Variants in MICU3 observed in about 807,000 individuals in gnomAD.
The protein encoded by MICU3 is calcium uptake protein 3, mitochondrial.
Under a neutral mutation model 66.5 loss-of-function variants are expected in MICU3, and 62 were observed. That is an observed-to-expected ratio of 0.93 (90% CI 0.76 to 1.15). The LOEUF is 1.15. Ranked by LOEUF, MICU3 falls within the 50% of genes most tolerant of loss-of-function variation. The probability of loss-of-function intolerance (pLI) is 0.00; values close to 1 mark genes in which losing one functional copy is unlikely to be tolerated. For missense variants in MICU3, 779 were observed against 664.4 expected, an observed-to-expected ratio of 1.17 and a Z score of -1.90; for synonymous variants, 308 against 240.7, an observed-to-expected ratio of 1.28 and a Z score of -2.59.
chr8:17,113,854 G>A (rs1056840962), intron 11 of MICU3, among the ~76,000 whole-genome samples: 5 of 151,780 alleles, frequency 3.3e-5, no homozygotes, highest in South Asian at 2.1e-4. Context: ...GTGCTGACAC[G>A]ACAGTGTTTA....
At chr8:17,095,012 C>T (rs74804377) in intron 8 of MICU3, among the ~76,000 whole-genome samples, 5,713 of 151,968 alleles carry the variant, frequency 0.038, 158 homozygotes, top group Non-Finnish European at 0.056. Flanking sequence ...TAAATTTCAG[C>T]GGTTAAATTT....
intron 4 of MICU3, among the ~76,000 whole-genome samples, chr8:17,078,291 A>T (rs1163204642): frequency 6.6e-6 from 1 of 151,972 alleles, no homozygotes; most frequent in African/African-American, 2.4e-5. Context: ...TAACAGGAAA[A>T]ATTTAGTGGA....
chr8:17,119,571 A>AGATT (rs1257515468), intron 14 of MICU3, among the ~76,000 whole-genome samples: 1 of 151,424 alleles, frequency 6.6e-6, no homozygotes, highest in Non-Finnish European at 1.5e-5. Context: ...ATAGATAGAT[A>AGATT]GATAGAGGTG....
intron 8 of MICU3, among the ~76,000 whole-genome samples, chr8:17,093,209 G>C (rs943759166): frequency 9.9e-5 from 15 of 152,010 alleles, no homozygotes; most frequent in African/African-American, 3.4e-4. Context: ...TCATTGCACA[G>C]TGATGAAAAG....
intron 5 of MICU3, among the ~76,000 whole-genome samples, chr8:17,083,311 T>G (rs1821465501): frequency 6.6e-6 from 1 of 152,090 alleles, no homozygotes; most frequent in African/African-American, 2.4e-5. Flanking sequence ...ATAGTGATGT[T>G]ATCCCCAGGA....
At position 17,027,551 on chromosome 8, in the gene MICU3, C is replaced by A. The variant is rs1475190512; in HGVS notation, c.272C>A (p.Ala91Asp). 3 of 1,280,194 alleles carry A rather than the reference C, an allele frequency of 2.3e-6. No homozygotes were observed. Among genetic ancestry groups the A allele is most frequent in the African/African-American group, 1.5e-5 (1 of 64,618 alleles). The allele number at this position is 1,280,194 out of a possible 1,614,324, so 79.3% of individuals were successfully genotyped here. A position where few individuals can be genotyped will look rare whatever the true frequency, so the allele number is the denominator to read the frequency against. ...TACCAGCTGTACGGGGACCCCAGGG[C>A]CGGCTCGCCGGCGACCGGGCGACCC... ...VCYQLYGDPRAGSPATGRPSK... is the reference protein window; with the variant it reads ...VCYQLYGDPRDGSPATGRPSK... The change falls in exon 1 of 15, where the codon GCC (alanine) becomes GAC (aspartate). Residue 91 changes from alanine to aspartate, a missense_variant. By Grantham distance (126) the Ala-to-Asp change is moderately radical (BLOSUM62 -2). Coordinates refer to ENST00000318063, the MANE Select transcript of MICU3 (RefSeq NM_181723.3).
At chr8:17,125,604 C>T (rs146170428), downstream of MICU3, among the ~76,000 whole-genome samples, 1 of 152,052 alleles carries the variant, frequency 6.6e-6, no homozygotes, top group Non-Finnish European at 1.5e-5. Context: ...TTTGGCTGGC[C>T]AGATTTCGCC....
chr8:17,096,909 ATGGT>A (rs1800756009), intron 8 of MICU3, among the ~76,000 whole-genome samples: 1 of 151,518 alleles, frequency 6.6e-6, no homozygotes, highest in African/African-American at 2.4e-5. Context: ...CACAAAATAC[ATGGT>A]TGGTTAAACT....
intron 1 of MICU3, among the ~76,000 whole-genome samples, chr8:17,048,018 A>G (rs1815384958): frequency 6.6e-6 from 1 of 152,222 alleles, no homozygotes; most frequent in African/African-American, 2.4e-5. Context: ...GGCCATGACG[A>G]GTTAAAGTGT....
At chr8:17,135,483 G>A in the MICU3 span, among the ~76,000 whole-genome samples, 37 of 152,040 alleles carry the variant, frequency 2.4e-4, no homozygotes, top group East Asian at 6.0e-3. Flanking sequence ...TATTTGTTCA[G>A]CACTTAACTG....
the MICU3 span, chr8:17,132,346 G>A: frequency 1.1e-4 from 17 of 151,940 alleles, no homozygotes; most frequent in African/African-American, 2.9e-4. Context: ...CATTGATTTC[G>A]CCCACCTCCA....
downstream of MICU3, among the ~76,000 whole-genome samples, chr8:17,125,827 C>A (rs1803391519): frequency 6.6e-6 from 1 of 151,834 alleles, no homozygotes; most frequent in African/African-American, 2.4e-5. Context: ...GTCAGGAGTT[C>A]AAGACCAGCC....
intron 9 of MICU3, 32 bp from the exon 10 acceptor site, chr8:17,104,359 A>G: frequency 8.7e-7 from 1 of 1,143,526 alleles, no homozygotes. Context: ...CTTTTATTGA[A>G]GCTAACTTTT....
intron 13 of MICU3, among the ~76,000 whole-genome samples, chr8:17,117,639 TG>T (rs1802811553): frequency 6.7e-6 from 1 of 149,850 alleles, no homozygotes; most frequent in Admixed American, 6.6e-5. Context: ...ATGGGAGTCT[TG>T]CTCTGTTGCC....
chr8:17,036,803 G>A (rs960767159), intron 1 of MICU3, among the ~76,000 whole-genome samples: 54 of 152,206 alleles, frequency 3.5e-4, no homozygotes, highest in Admixed American at 2.4e-3. Flanking sequence ...TGCCAGTCCC[G>A]CGCCGTGCGC....
Position 17,086,968 on chromosome 8 carries a change from A to G in MICU3, c.782A>G (p.Gln261Arg). 1 of 1,597,002 alleles carries G rather than the reference A, an allele frequency of 6.3e-7. No individual in the cohort carries two copies. Among genetic ancestry groups the G allele is most frequent in the Non-Finnish European group, 8.6e-7 (1 of 1,165,828 alleles). ...CTTGATTGATTTCTTTGTCAGCTTCAAGAGATATTCAGGAAAAAAAATGAA... is the reference window on the plus strand; with the variant it reads ...CTTGATTGATTTCTTTGTCAGCTTCGAGAGATATTCAGGAAAAAAAATGAA... Reference protein sequence around the residue: ...MVDKKEFLVLQEIFRKKNEKR... With the variant: ...MVDKKEFLVLREIFRKKNEKR... Residue 261 changes from glutamine (Q) to arginine (R), a missense_variant, in exon 7 of 15, where the codon CAA becomes CGA. Transcript: ENST00000318063.
chr8:17,074,685 G>A (rs1585353356), intron 3 of MICU3, among the ~76,000 whole-genome samples: 1 of 150,722 alleles, frequency 6.6e-6, no homozygotes, highest in Non-Finnish European at 1.5e-5. Context: ...ACTTAAGTTT[G>A]TCATCCCTGG....
At chr8:17,108,491 C>G (rs1041020165) in intron 11 of MICU3, among the ~76,000 whole-genome samples, 1 of 152,124 alleles carries the variant, frequency 6.6e-6, no homozygotes, top group African/African-American at 2.4e-5. Context: ...AACCATCTTC[C>G]CTGTTTCAGT....
chr8:17,044,919 A>G (rs1000148388), intron 1 of MICU3, among the ~76,000 whole-genome samples: 2 of 152,174 alleles, frequency 1.3e-5, no homozygotes, highest in African/African-American at 2.4e-5. Flanking sequence ...CCTTCCAGAA[A>G]TTCTCAAAAA....
Sources: allele counts gnomAD v4.1 joint callset (sites outside exome capture counted in the v4.1 genomes callset), GRCh38; gene constraint gnomAD v4.1.1; transcripts MANE v1.5; gene names NCBI Gene and HGNC (gene_info 2026-07-23, HGNC 2026-07-21).